Variants in RANBP2 observed in about 807,000 individuals in gnomAD.
RANBP2 encodes the protein RAN binding protein 2, also known as E3 SUMO-protein ligase RanBP2.
Under a neutral mutation model 303.6 loss-of-function variants are expected in RANBP2, and 57 were observed. The observed-to-expected ratio is 0.19, with a 90% CI of 0.15 to 0.23. The LOEUF (loss-of-function observed/expected upper bound fraction) is 0.23, where lower values mean the gene tolerates loss of function less well. Ranked by LOEUF, RANBP2 falls within the 10% of genes least tolerant of loss-of-function variation. The pLI, the probability that RANBP2 is intolerant of heterozygous loss-of-function variation, is 1.00. For synonymous variants in RANBP2, 1,167 were observed against 1,301.5 expected (o/e 0.90, Z 2.23); for missense variants, 3,138 against 3,780.8 (o/e 0.83, Z 4.46).
the RANBP2 span, chr2:108,923,381 G>T: frequency 6.2e-7 from 1 of 1,613,590 alleles, no homozygotes; most frequent in Non-Finnish European, 8.5e-7. Flanking sequence ...CCTTGGTGTT[G>T]GGGGGTGCCA....
At chr2:109,743,248 G>C in the RANBP2 span, among the ~76,000 whole-genome samples, 4 of 148,270 alleles carry the variant, frequency 2.7e-5, 1 homozygote, top group African/African-American at 1.0e-4. Flanking sequence ...TACAGCCTGG[G>C]TGGCAGAGCA....
chr2:108,823,416 A>G, the RANBP2 span, among the ~76,000 whole-genome samples: 3 of 151,612 alleles, frequency 2.0e-5, no homozygotes, highest in East Asian at 1.9e-4. Flanking sequence ...TCAACAGTAC[A>G]GTCATGTGTT....
chr2:108,764,514 A>C lies in RANBP2; in HGVS notation c.3975A>C (p.Glu1325Asp), dbSNP rs770368629. ...ASNQAVRIVK[E>D]PTSHDNKDIC... is the part of the protein sequence containing the mutation. ...ATCAGGCTGTCAGAATTGTAAAAGA[A>C]CCCACAAGTCATGATAACAAGGATA... Residue 1325 changes from glutamate to aspartate, a missense_variant, in exon 20 of 29, where the codon GAA (glutamate) becomes GAC (aspartate). By Grantham distance (45) the Glu-to-Asp change is conservative. Coordinates refer to ENST00000283195, the MANE Select transcript of RANBP2 (RefSeq NM_006267.5). 1 of 1,613,994 alleles carries C rather than the reference A, an allele frequency of 6.2e-7. No homozygotes were observed. The highest frequency in any genetic ancestry group is 8.5e-7 in the Non-Finnish European group (1 of 1,179,970).
the RANBP2 span, among the ~76,000 whole-genome samples, chr2:109,715,716 C>T: frequency 7.9e-5 from 12 of 152,196 alleles, no homozygotes; most frequent in Non-Finnish European, 1.3e-4. Flanking sequence ...CTTCCTCCTT[C>T]CCTGGAGGAT....
the RANBP2 span, chr2:109,419,650 G>T: frequency 6.4e-7 from 1 of 1,565,864 alleles, no homozygotes. Flanking sequence ...CGTGTGAGCT[G>T]CCCTTTGTGT....
the RANBP2 span, chr2:109,129,073 C>T: frequency 2.6e-6 from 1 of 380,384 alleles, no homozygotes; most frequent in South Asian, 1.8e-5. Flanking sequence ...ATGGAGGTGC[C>T]GCGGGGGCGG....
the RANBP2 span, among the ~76,000 whole-genome samples, chr2:109,394,310 G>A: frequency 2.0e-5 from 3 of 152,146 alleles, no homozygotes; most frequent in Non-Finnish European, 4.4e-5. Context: ...GGTGGTAAGC[G>A]GGGTCCCCTG....
chr2:108,883,559 G>A, the RANBP2 span: 1 of 152,268 alleles, frequency 6.6e-6, no homozygotes, highest in Admixed American at 6.5e-5. Flanking sequence ...ATAATGGTTT[G>A]CCTTAATGAA....
the RANBP2 span, among the ~76,000 whole-genome samples, chr2:108,861,272 A>G: frequency 6.6e-6 from 1 of 151,788 alleles, no homozygotes; most frequent in Non-Finnish European, 1.5e-5. Flanking sequence ...ATCCTTTCAA[A>G]AAAACACTTT....
the RANBP2 span, among the ~76,000 whole-genome samples, chr2:108,853,873 T>C: frequency 5.6e-5 from 7 of 125,448 alleles, no homozygotes; most frequent in East Asian, 1.2e-3. Context: ...ATATATATAC[T>C]ATATAATATA....
the RANBP2 span, among the ~76,000 whole-genome samples, chr2:109,629,381 G>GGACCTCATTTTCACAA: frequency 1.8e-5 from 2 of 111,160 alleles, no homozygotes; most frequent in African/African-American, 7.1e-5. Flanking sequence ...TCATTTTCCT[G>GGACCTCATTTTCACAA]GACCTCATTT....
the RANBP2 span, among the ~76,000 whole-genome samples, chr2:108,819,994 A>G: frequency 2.2e-4 from 33 of 152,364 alleles, no homozygotes; most frequent in East Asian, 5.8e-3. Context: ...AGAAGATACA[A>G]ATTATAAGAA....
At chr2:109,022,904 AC>A in the RANBP2 span, among the ~76,000 whole-genome samples, 2 of 151,610 alleles carry the variant, frequency 1.3e-5, no homozygotes, top group African/African-American at 4.9e-5. Flanking sequence ...TACAAAAATT[AC>A]CCGGGCGTGG....
At chr2:108,911,026 C>T in the RANBP2 span, 1 of 1,614,152 alleles carries the variant, frequency 6.2e-7, no homozygotes, top group Non-Finnish European at 8.5e-7. Context: ...AGATGGTGGA[C>T]ATTGCAATGA....
At chr2:109,381,669 C>T in the RANBP2 span, among the ~76,000 whole-genome samples, 10 of 152,018 alleles carry the variant, frequency 6.6e-5, no homozygotes. Flanking sequence ...AGAAGGCCCC[C>T]AGGATGGCTA....
At chr2:109,688,784 A>T in the RANBP2 span, among the ~76,000 whole-genome samples, 1 of 148,132 alleles carries the variant, frequency 6.8e-6, no homozygotes. Context: ...GTCTCAATAA[A>T]AAAAAAAAAA....
chr2:109,282,207 G>C, the RANBP2 span, among the ~76,000 whole-genome samples: 1 of 152,074 alleles, frequency 6.6e-6, no homozygotes, highest in Non-Finnish European at 1.5e-5. Flanking sequence ...AGTGTTTATT[G>C]GGGTTAAACC....
the RANBP2 span, among the ~76,000 whole-genome samples, chr2:109,211,200 T>G: frequency 0.034 from 5,187 of 152,268 alleles, 266 homozygotes; most frequent in African/African-American, 0.11. Flanking sequence ...TGGGGGCTGC[T>G]CCTTGGCTGG....
At chr2:109,040,930 C>G in the RANBP2 span, among the ~76,000 whole-genome samples, 6 of 152,250 alleles carry the variant, frequency 3.9e-5, no homozygotes, top group Admixed American at 3.9e-4. Context: ...GTGGTGGGTG[C>G]CTGTAGTCCC....
Sources: allele counts gnomAD v4.1 joint callset (sites outside exome capture counted in the v4.1 genomes callset), GRCh38; gene constraint gnomAD v4.1.1; transcripts MANE v1.5; gene names NCBI Gene and HGNC (gene_info 2026-07-23, HGNC 2026-07-21).